Variants in JAZF1 observed in about 807,000 individuals in gnomAD.
JAZF1 encodes JAZF zinc finger 1, also known as juxtaposed with another zinc finger protein 1.
A neutral mutation model predicts 26.4 loss-of-function variants in JAZF1; 8 were observed. The observed-to-expected ratio is 0.30, with a 90% CI of 0.18 to 0.55. The LOEUF (loss-of-function observed/expected upper bound fraction) is 0.55, where lower values mean the gene tolerates loss of function less well. Ranked by LOEUF, JAZF1 falls within the 20% of genes least tolerant of loss-of-function variation. The probability of loss-of-function intolerance (pLI) is 0.94; values close to 1 mark genes in which losing one functional copy is unlikely to be tolerated. For missense variants in JAZF1, 199 were observed against 322.0 expected, an observed-to-expected ratio of 0.62 and a Z score of 2.92; for synonymous variants, 126 against 122.3, an observed-to-expected ratio of 1.03 and a Z score of -0.20.
At chr7:27,883,953 A>G (rs1783814931) in intron 3 of JAZF1, among the ~76,000 whole-genome samples, 1 of 152,240 alleles carries the variant, frequency 6.6e-6, no homozygotes, top group African/African-American at 2.4e-5. Flanking sequence ...GAAATTCCAG[A>G]GATTTTCAAA....
chr7:28,180,332 C>G, intron 1 of JAZF1, 131 bp downstream of exon 1: 1 of 427,310 alleles, frequency 2.3e-6, no homozygotes, highest in South Asian at 2.9e-5. Context: ...ACCCCCACCT[C>G]GGGGCTCGCA....
At chr7:27,945,713 G>C (rs551691488) in intron 2 of JAZF1, among the ~76,000 whole-genome samples, 1 of 152,314 alleles carries the variant, frequency 6.6e-6, no homozygotes, top group African/African-American at 2.4e-5. Flanking sequence ...GGATTTGTAT[G>C]CACTTTAAGT....
chr7:28,058,401 T>C (rs988626732), intron 1 of JAZF1, among the ~76,000 whole-genome samples: 29 of 152,118 alleles, frequency 1.9e-4, no homozygotes, highest in African/African-American at 7.0e-4. Flanking sequence ...CCTGCCTCTA[T>C]TTCTGTTCAT....
intron 3 of JAZF1, chr7:27,841,874 T>G (rs2128331604): frequency 6.6e-6 from 1 of 152,272 alleles, no homozygotes; most frequent in South Asian, 2.1e-4. Context: ...CTAATGCATT[T>G]ACAAGCCCCG....
chr7:28,174,427 T>G (rs1427266961), intron 1 of JAZF1, among the ~76,000 whole-genome samples: 1 of 152,220 alleles, frequency 6.6e-6, no homozygotes, highest in Non-Finnish European at 1.5e-5. Context: ...GTATCCTCAC[T>G]GTCACCTACG....
intron 1 of JAZF1, chr7:28,071,784 G>A (rs1021215993): frequency 6.1e-5 from 23 of 377,148 alleles, no homozygotes; most frequent in Non-Finnish European, 1.1e-4. Flanking sequence ...TTGCAGAGGA[G>A]GAAGCTGCTT....
chr7:27,851,078 G>A (rs1014220053), intron 3 of JAZF1, among the ~76,000 whole-genome samples: 1 of 152,080 alleles, frequency 6.6e-6, no homozygotes, highest in African/African-American at 2.4e-5. Context: ...GAGTAGCTGG[G>A]ATTACAGGCA....
At chr7:27,858,628 G>A (rs1447468103) in intron 3 of JAZF1, among the ~76,000 whole-genome samples, 2 of 152,120 alleles carry the variant, frequency 1.3e-5, no homozygotes, top group Non-Finnish European at 2.9e-5. Flanking sequence ...TAAGCAATGG[G>A]GAAAGGATTC....
chr7:28,037,830 C>T (rs904022183), intron 1 of JAZF1, among the ~76,000 whole-genome samples: 9 of 152,134 alleles, frequency 5.9e-5, no homozygotes, highest in Admixed American at 6.5e-5. Context: ...AGGAATCTTT[C>T]GCTGAGTTGG....
intron 2 of JAZF1, among the ~76,000 whole-genome samples, chr7:27,965,094 A>G (rs550240494): frequency 1.3e-5 from 2 of 152,344 alleles, no homozygotes; most frequent in East Asian, 1.9e-4. Context: ...ATTTCAGTAT[A>G]TATCAGACAC....
chr7:28,065,060 A>C (rs17156326), intron 1 of JAZF1, among the ~76,000 whole-genome samples: 8,429 of 152,276 alleles, frequency 0.055, 411 homozygotes, highest in African/African-American at 0.13. Context: ...ATCTTCTTTA[A>C]CTCCATAGTC....
At chr7:27,889,634 T>TA (rs1212461427) in intron 3 of JAZF1, among the ~76,000 whole-genome samples, 4 of 152,252 alleles carry the variant, frequency 2.6e-5, no homozygotes, top group African/African-American at 7.2e-5. Flanking sequence ...AAATAAAAGA[T>TA]AAAATTGAGA....
chr7:28,118,576 T>C (rs1784785478), intron 1 of JAZF1, among the ~76,000 whole-genome samples: 1 of 152,204 alleles, frequency 6.6e-6, no homozygotes, highest in African/African-American at 2.4e-5. Context: ...TCTCGTAAAC[T>C]GGAATTTTTA....
chr7:27,953,672 T>C (rs1785045373), intron 2 of JAZF1, among the ~76,000 whole-genome samples: 1 of 152,162 alleles, frequency 6.6e-6, no homozygotes, highest in Admixed American at 6.5e-5. Flanking sequence ...TGGAGGGTTA[T>C]GAAGGATAAA....
At chr7:27,885,303 G>T (rs1783838548) in intron 3 of JAZF1, among the ~76,000 whole-genome samples, 1 of 152,188 alleles carries the variant, frequency 6.6e-6, no homozygotes. Flanking sequence ...TCACCTGCTG[G>T]AAACATCCAG....
intron 1 of JAZF1, among the ~76,000 whole-genome samples, chr7:28,052,101 T>C (rs753294393): frequency 2.0e-5 from 3 of 152,254 alleles, no homozygotes; most frequent in Non-Finnish European, 4.4e-5. Context: ...ATGTTTAATT[T>C]GCTCTGATGT....
At chr7:28,052,438 T>C (rs1199680835) in intron 1 of JAZF1, among the ~76,000 whole-genome samples, 3 of 152,192 alleles carry the variant, frequency 2.0e-5, no homozygotes, top group Non-Finnish European at 2.9e-5. Flanking sequence ...TAAAAACTTT[T>C]GGAAGAAAGC....
chr7:28,153,484 A>C (rs193207465), intron 1 of JAZF1, among the ~76,000 whole-genome samples: 10 of 152,334 alleles, frequency 6.6e-5, no homozygotes, highest in Admixed American at 2.6e-4. Context: ...AGACCAAAAC[A>C]AAACCAAACA....
At chr7:27,893,737 AAG>A (rs1784013393) in intron 3 of JAZF1, among the ~76,000 whole-genome samples, 1 of 152,116 alleles carries the variant, frequency 6.6e-6, no homozygotes, top group African/African-American at 2.4e-5. Flanking sequence ...CCACTGGGGG[AAG>A]AGAGCTATTT....
Sources: gnomAD v4.1 joint callset for allele counts (sites outside exome capture counted in the v4.1 genomes callset) on GRCh38, gnomAD v4.1.1 for gene constraint, MANE v1.5 for transcripts, NCBI Gene and HGNC (gene_info 2026-07-23, HGNC 2026-07-21) for gene names.